BICRA: variants seen among roughly 807,000 people sequenced by gnomAD.
BICRA encodes BRD4-interacting chromatin-remodeling complex-associated protein.
In BICRA, 31 loss-of-function variants were observed where a neutral mutation model predicts 96.9. The observed-to-expected ratio is 0.32, with a 90% CI of 0.24 to 0.43. The LOEUF (loss-of-function observed/expected upper bound fraction) is 0.43, where lower values mean the gene tolerates loss of function less well. BICRA is among the 20% of genes least tolerant of loss of function. BICRA has a pLI of 1.00. For synonymous variants in BICRA, 1,350 were observed against 1,071.8 expected (o/e 1.26, Z -5.07); for missense variants, 2,283 against 2,190.3 (o/e 1.04, Z -0.84).
Position 47,701,650 on chromosome 19 carries a change from C to A in BICRA, c.3918C>A (p.Ile1306=). 1 of 1,597,416 alleles carries A rather than the reference C, an allele frequency of 6.3e-7. No homozygotes were observed. Among genetic ancestry groups the A allele is most frequent in the Non-Finnish European group, 8.5e-7 (1 of 1,173,262 alleles). ...AGACCTACGAGGCCCGGAGCCGCAT[C>A]GGGCTCAAGCTCAAGATCAAGCAGG... ...PIKTYEARSR[I]GLKLKIKQEA... The change falls in exon 15 of 15, where the codon ATC becomes ATA. Residue 1306 remains isoleucine, a synonymous_variant. Transcript: ENST00000594866. This position sits in a 1 kb window ranked among gnomAD's most constrained non-coding sequence, Gnocchi z 5.4.
At position 47,680,154 on chromosome 19, in the gene BICRA, C is replaced by T; in HGVS notation, c.984C>T (p.Ala328=). The change falls in exon 6 of 15, where the codon GCC becomes GCT. Residue 328 remains alanine, a synonymous_variant. Transcript: ENST00000594866. ...CCTCGGGACAGCCGCTGGCGGTGGCCCCAGGCCTCGGCTCGTCGCCACTGG... is the reference window on the plus strand; with the variant it reads ...CCTCGGGACAGCCGCTGGCGGTGGCTCCAGGCCTCGGCTCGTCGCCACTGG... The part of the protein sequence containing the change: ...GTPSGQPLAV[A]PGLGSSPLVP... The T allele has an allele frequency of 6.5e-7, 1 of 1,530,790 alleles. No individual in the cohort carries two copies. The highest frequency in any genetic ancestry group is 8.7e-7 in the Non-Finnish European group (1 of 1,147,586). The allele number at this position is 1,530,790 out of a possible 1,614,324, so 94.8% of individuals were successfully genotyped here.
intron 7 of BICRA, among the ~76,000 whole-genome samples, chr19:47,688,804 A>T (rs12981106): frequency 5.0e-4 from 62 of 124,646 alleles, no homozygotes; most frequent in Middle Eastern, 4.0e-3. Context: ...AAAAAAAAAA[A>T]TTTTTTTTTC....
chr19:47,610,384 G>T (rs527697389), intron 1 of BICRA, among the ~76,000 whole-genome samples: 85 of 152,344 alleles, frequency 5.6e-4, no homozygotes, highest in African/African-American at 2.0e-3. Context: ...TCGGGCTCGG[G>T]CGCCGGCGGT....
At chr19:47,628,369 C>A (rs751879770) in intron 1 of BICRA, among the ~76,000 whole-genome samples, 4 of 152,098 alleles carry the variant, frequency 2.6e-5, no homozygotes, top group Non-Finnish European at 4.4e-5. Flanking sequence ...AGGGGCCTGC[C>A]CTCTGAGTAG....
chr19:47,620,667 C>CAAAAAAAAAAAAAAAAAAAAAAA (rs10675281), intron 1 of BICRA, among the ~76,000 whole-genome samples: 1 of 67,724 alleles, frequency 1.5e-5, no homozygotes, highest in Non-Finnish European at 2.6e-5. Flanking sequence ...GAGACTGTCT[C>CAAAAAAAAAAAAAAAAAAAAAAA]AAAAAAAAAA....
chr19:47,648,242 C>T (rs201928521), intron 1 of BICRA, among the ~76,000 whole-genome samples: 7 of 151,334 alleles, frequency 4.6e-5, no homozygotes, highest in South Asian at 4.2e-4. Context: ...TAACCCACCC[C>T]GTGCCCTTTC....
intron 1 of BICRA, among the ~76,000 whole-genome samples, chr19:47,655,170 T>C (rs1001560628): frequency 1.3e-5 from 2 of 152,174 alleles, no homozygotes; most frequent in Non-Finnish European, 1.5e-5. Context: ...AGTGTCCTTT[T>C]TGTGGTCTAG....
At chr19:47,633,788 A>T (rs1053437297) in intron 1 of BICRA, among the ~76,000 whole-genome samples, 11 of 152,262 alleles carry the variant, frequency 7.2e-5, no homozygotes, top group Admixed American at 3.3e-4. Flanking sequence ...GTAGTGAGTC[A>T]TCGGGTGACA....
intron 1 of BICRA, among the ~76,000 whole-genome samples, 190 bp downstream of exon 1, chr19:47,609,358 C>T (rs930938128): frequency 4.9e-5 from 7 of 141,488 alleles, no homozygotes; most frequent in African/African-American, 1.8e-4. Context: ...CCAGCCGGGG[C>T]GCAGCGCCCG....
rs578176211 is a variant in BICRA, at chr19:47,701,680, C to A, written c.3948C>A (p.Ala1316=). 2 of 1,603,472 alleles carry A rather than the reference C, an allele frequency of 1.2e-6. No homozygotes were observed. Among genetic ancestry groups the A allele is most frequent in the Admixed American group, 3.4e-5 (2 of 59,084 alleles). Reference sequence around the variant, plus strand: ...TCAAGCTCAAGATCAAGCAGGAAGCCGGGCTCAGCAAGGTCGTGCACAACA... The same window carrying A: ...TCAAGCTCAAGATCAAGCAGGAAGCAGGGCTCAGCAAGGTCGTGCACAACA... ...IGLKLKIKQE[A]GLSKVVHNTA... The change falls in exon 15 of 15, where the codon GCC becomes GCA. Residue 1316 remains alanine (A), a synonymous_variant. Transcript: ENST00000594866. The surrounding 1 kb of genome is among the most constrained non-coding windows in gnomAD (Gnocchi z 5.4).
At chr19:47,642,572 C>T (rs910592986) in intron 1 of BICRA, among the ~76,000 whole-genome samples, 5 of 151,958 alleles carry the variant, frequency 3.3e-5, no homozygotes, top group East Asian at 1.9e-4. Context: ...CATGGTGGCA[C>T]GCGCCTGTAG....
chr19:47,682,161 A>G lies in BICRA; in HGVS notation c.2283+9A>G. On this transcript the variant is annotated intron_variant, in intron 7 of 14. Coordinates refer to ENST00000594866, the MANE Select transcript of BICRA (RefSeq NM_001394372.1). ...CGGCTCCGGCCCCCCAGGTAGAGGGACCCCAGCAGCCTGTGTCCGCAGCAC... is the reference window on the plus strand; with the variant it reads ...CGGCTCCGGCCCCCCAGGTAGAGGGGCCCCAGCAGCCTGTGTCCGCAGCAC... The G allele has an allele frequency of 7.5e-7, 1 of 1,334,200 alleles. No homozygotes were observed. Among genetic ancestry groups the G allele is most frequent in the Non-Finnish European group, 1.0e-6 (1 of 978,322 alleles). 82.6% of individuals were successfully genotyped at this position (1,334,200 alleles called of 1,614,324 possible). A position where few individuals can be genotyped will look rare whatever the true frequency, so the allele number is the denominator to read the frequency against.
intron 7 of BICRA, among the ~76,000 whole-genome samples, chr19:47,689,251 G>A (rs1468088054): frequency 6.6e-6 from 1 of 151,862 alleles, no homozygotes; most frequent in Non-Finnish European, 1.5e-5. Flanking sequence ...TATTCACATA[G>A]TATGATCATC....
chr19:47,667,964 C>T (rs1003134106), intron 1 of BICRA, among the ~76,000 whole-genome samples: 3 of 152,140 alleles, frequency 2.0e-5, no homozygotes, highest in Non-Finnish European at 4.4e-5. Flanking sequence ...TGCGGTGGCT[C>T]ATGCCTGTAA....
intron 6 of BICRA, 109 bp downstream of exon 6, chr19:47,681,385 T>TG (rs58014830): frequency 2.1e-4 from 185 of 892,024 alleles, no homozygotes; most frequent in African/African-American, 1.2e-3. Context: ...CTGTGGCAGC[T>TG]GGGGGGGGAA....
In BICRA at chr19:47,699,165, C is replaced by T. The variant is rs951998148; in HGVS notation, c.3492+106C>T. 5 of 954,982 alleles carry T rather than the reference C, an allele frequency of 5.2e-6. No individual in the cohort carries two copies. The highest frequency in any genetic ancestry group is 8.2e-6 in the Non-Finnish European group (5 of 608,398). 59.2% of individuals were successfully genotyped at this position (954,982 alleles called of 1,614,324 possible). A position where few individuals can be genotyped will look rare whatever the true frequency, so the allele number is the denominator to read the frequency against. On this transcript the variant is annotated intron_variant, in intron 13 of 14. Transcript: ENST00000594866. The surrounding 1 kb of genome is among the most constrained non-coding windows in gnomAD (Gnocchi z 5.0). ...GGTGGAGCCTCCCGCCCCTCCTAGC[C>T]CCGGGAGGGAGGTTGGGAGGGAGGC...
rs111968444 is a variant in BICRA, at chr19:47,698,809, A to G, written c.3397+27A>G. 1.7e-5 allele frequency: 26 copies of G among 1,566,516 alleles called. 1 individual carries two copies. The African/African-American group carries it at 2.0e-4, about 12-fold the overall frequency. On this transcript the variant is annotated intron_variant, in intron 12 of 14. Transcript: ENST00000594866. This position sits in a 1 kb window ranked among gnomAD's most constrained non-coding sequence, Gnocchi z 4.8. Reference sequence around the variant, plus strand: ...TGAGGCCTCCCCAGGACACGGCCCTATATGTCCCAGGGGACCCCAGCCCGT... The same window carrying G: ...TGAGGCCTCCCCAGGACACGGCCCTGTATGTCCCAGGGGACCCCAGCCCGT...
intron 11 of BICRA, among the ~76,000 whole-genome samples, chr19:47,696,838 TGAAGTGATGGGTGGGG>T (rs372997974): frequency 6.8e-6 from 1 of 147,630 alleles, no homozygotes; most frequent in Non-Finnish European, 1.5e-5. Context: ...ACTGGGTGGG[TGAAGTGATGGGTGGGG>T]GAAGTGAGTG....
rs1370833456 is a variant in BICRA, at chr19:47,659,683, C to CAT, written c.-107-10758_-107-10757dup. Among the ~76,000 whole-genome samples the CAT allele has an allele frequency of 1.2e-3, 126 of 106,798 alleles. 1 individual carries two copies. The highest frequency in any genetic ancestry group is 1.7e-3 in the Admixed American group (16 of 9,368). 70.1% of individuals were successfully genotyped at this position (106,798 alleles called of 152,430 possible). A position where few individuals can be genotyped will look rare whatever the true frequency, so the allele number is the denominator to read the frequency against. ...ACCTGTGCAGCTGTACATGGTGGTG[C>CAT]ATACACACACACACACACACACACA... is the stretch of plus-strand genomic sequence containing the variant. On this transcript the variant is annotated intron_variant, in intron 1 of 14. Coordinates refer to ENST00000594866, the MANE Select transcript of BICRA (RefSeq NM_001394372.1).
Sources: gnomAD v4.1 joint callset for allele counts (sites outside exome capture counted in the v4.1 genomes callset) on GRCh38, gnomAD v4.1.1 for gene constraint, Gnocchi (gnomAD v3.1) non-coding constraint, MANE v1.5 for transcripts, NCBI Gene and HGNC (gene_info 2026-07-23, HGNC 2026-07-21) for gene names.